NKAIN3: variants seen among roughly 807,000 people sequenced by gnomAD.
The protein encoded by NKAIN3 is sodium/potassium-transporting ATPase subunit beta-1-interacting protein 3.
NKAIN3 carries 25 observed loss-of-function variants against 30.2 expected under a neutral mutation model. The observed-to-expected ratio is 0.83, with a 90% confidence interval of 0.60 to 1.16. The LOEUF (loss-of-function observed/expected upper bound fraction) is 1.16, where lower values mean the gene tolerates loss of function less well. Ranked by LOEUF, NKAIN3 falls within the 50% of genes most tolerant of loss-of-function variation. The pLI, the probability that NKAIN3 is intolerant of heterozygous loss-of-function variation, is 0.00. For synonymous variants in NKAIN3, 91 were observed against 89.6 expected, an observed-to-expected ratio of 1.02 and a Z score of -0.09; for missense variants, 225 against 254.1, an observed-to-expected ratio of 0.89 and a Z score of 0.78.
chr8:62,913,599 T>C (rs1041076554), intron 4 of NKAIN3, among the ~76,000 whole-genome samples: 1 of 152,220 alleles, frequency 6.6e-6, no homozygotes, highest in Non-Finnish European at 1.5e-5. Context: ...CAGATTATAT[T>C]ATCTGTTTTT....
At chr8:62,634,584 T>G (rs577253546) in intron 3 of NKAIN3, among the ~76,000 whole-genome samples, 2 of 152,310 alleles carry the variant, frequency 1.3e-5, no homozygotes, top group Admixed American at 1.3e-4. Context: ...ACTGTTATTC[T>G]CAGAAAGTTT....
chr8:62,514,167 C>T (rs1807909424), intron 1 of NKAIN3, among the ~76,000 whole-genome samples: 1 of 152,102 alleles, frequency 6.6e-6, no homozygotes, highest in Non-Finnish European at 1.5e-5. Flanking sequence ...CATTTTGCAA[C>T]TAAAGGCATT....
chr8:62,298,354 G>T (rs977810590), intron 1 of NKAIN3, among the ~76,000 whole-genome samples: 16 of 152,026 alleles, frequency 1.1e-4, no homozygotes, highest in Non-Finnish European at 1.9e-4. Context: ...ATCTTTCAAA[G>T]AATACCTCTG....
chr8:62,951,652 G>C (rs1336126458), intron 5 of NKAIN3, among the ~76,000 whole-genome samples: 1 of 151,812 alleles, frequency 6.6e-6, no homozygotes, highest in Non-Finnish European at 1.5e-5. Flanking sequence ...TAATGGGGAC[G>C]GTGTTTCCCC....
chr8:62,761,208 G>C (rs574319919), intron 4 of NKAIN3, among the ~76,000 whole-genome samples: 1 of 152,236 alleles, frequency 6.6e-6, no homozygotes, highest in Non-Finnish European at 1.5e-5. Flanking sequence ...ACTAATTGTA[G>C]AGAGTCAAAA....
intron 3 of NKAIN3, among the ~76,000 whole-genome samples, chr8:62,664,392 A>G (rs924053497): frequency 1.3e-5 from 2 of 152,048 alleles, no homozygotes; most frequent in Non-Finnish European, 2.9e-5. Flanking sequence ...AACCCACCCA[A>G]ATCAAACCGT....
At chr8:62,571,139 A>AT (rs34068438) in intron 1 of NKAIN3, among the ~76,000 whole-genome samples, 62 of 142,410 alleles carry the variant, frequency 4.4e-4, no homozygotes, top group East Asian at 8.4e-4. Flanking sequence ...AAATAGGCTT[A>AT]TTTTTTTTTT....
chr8:62,892,132 T>C (rs990239088), intron 4 of NKAIN3, among the ~76,000 whole-genome samples: 1 of 152,218 alleles, frequency 6.6e-6, no homozygotes, highest in Non-Finnish European at 1.5e-5. Flanking sequence ...TAATAGTTCC[T>C]TTTTATACAA....
chr8:62,947,749 A>G (rs1328037238), intron 5 of NKAIN3, among the ~76,000 whole-genome samples: 1 of 152,186 alleles, frequency 6.6e-6, no homozygotes, highest in Non-Finnish European at 1.5e-5. Flanking sequence ...GGCCACATGT[A>G]GAGCCCCTTG....
chr8:62,747,234 A>G (rs1254569432), intron 4 of NKAIN3, 105 bp downstream of exon 4: 16 of 677,106 alleles, frequency 2.4e-5, no homozygotes, highest in Non-Finnish European at 3.8e-5. Context: ...CACACAGAGA[A>G]CATCCAACAG....
intron 3 of NKAIN3, among the ~76,000 whole-genome samples, chr8:62,713,386 C>T (rs1001052604): frequency 1.3e-5 from 2 of 152,156 alleles, no homozygotes; most frequent in African/African-American, 2.4e-5. Flanking sequence ...CAGATTTATG[C>T]CTTTAACAAA....
chr8:62,864,018 G>C, intron 4 of NKAIN3: 1 of 722,332 alleles, frequency 1.4e-6, no homozygotes, highest in Non-Finnish European at 2.5e-6. Context: ...GCTTTGTAGG[G>C]TGTTTCTCTC....
At chr8:62,577,877 C>T (rs893338113) in intron 1 of NKAIN3, among the ~76,000 whole-genome samples, 1 of 151,958 alleles carries the variant, frequency 6.6e-6, no homozygotes, top group African/African-American at 2.4e-5. Context: ...TTTCTTTAGG[C>T]TTCGCTCTCT....
intron 4 of NKAIN3, among the ~76,000 whole-genome samples, chr8:62,833,764 T>C (rs1025486130): frequency 2.7e-4 from 41 of 151,582 alleles, no homozygotes; most frequent in African/African-American, 9.0e-4. Context: ...GAGCTGATAC[T>C]AGTTTTAATG....
At chr8:62,995,844 G>A (rs906427579) in intron 5 of NKAIN3, among the ~76,000 whole-genome samples, 4 of 145,690 alleles carry the variant, frequency 2.7e-5, no homozygotes, top group African/African-American at 7.6e-5. Context: ...GTTTTCAAAA[G>A]AGAGGTACCC....
At position 62,965,985 on chromosome 8, in the gene NKAIN3, C is replaced by T. The variant is rs1363842394; in HGVS notation, c.*578C>T. The T allele has an allele frequency of 1.0e-5, 10 of 984,482 alleles. No individual in the cohort carries two copies. Among genetic ancestry groups the T allele is most frequent in the Admixed American group, 6.2e-5 (1 of 16,246 alleles). 61.0% of individuals were successfully genotyped at this position (984,482 alleles called of 1,614,324 possible). On this transcript the variant is annotated 3_prime_UTR_variant, in exon 7 of 7. Coordinates refer to ENST00000623646, the MANE Select transcript of NKAIN3 (RefSeq NM_001304533.3). ...GTTCCTGACTTCTTAAAACCCAGAACGATATTATGGCAATCTAAATTTTCA... is the reference window on the plus strand; with the variant it reads ...GTTCCTGACTTCTTAAAACCCAGAATGATATTATGGCAATCTAAATTTTCA...
chr8:62,466,910 G>T (rs1209705173), intron 1 of NKAIN3, among the ~76,000 whole-genome samples: 1 of 152,082 alleles, frequency 6.6e-6, no homozygotes, highest in Non-Finnish European at 1.5e-5. Context: ...AAAAGAGAGA[G>T]ATACTCTCAT....
intron 5 of NKAIN3, among the ~76,000 whole-genome samples, chr8:62,924,403 G>C (rs1340944439): frequency 6.6e-6 from 1 of 152,144 alleles, no homozygotes; most frequent in East Asian, 1.9e-4. Context: ...ATTCACCAAG[G>C]CTGACCCCAT....
intron 1 of NKAIN3, among the ~76,000 whole-genome samples, chr8:62,428,528 G>A (rs1804889633): frequency 6.6e-6 from 1 of 151,716 alleles, no homozygotes; most frequent in Non-Finnish European, 1.5e-5. Flanking sequence ...TTGACTTTTT[G>A]ATAATAGTCA....
Sources: allele counts gnomAD v4.1 joint callset (sites outside exome capture counted in the v4.1 genomes callset), GRCh38; gene constraint gnomAD v4.1.1; transcripts MANE v1.5; gene names NCBI Gene and HGNC (gene_info 2026-07-23, HGNC 2026-07-21).